CFLAR: variants seen among roughly 807,000 people sequenced by gnomAD.
CFLAR encodes CASP8 and FADD-like apoptosis regulator.
CFLAR carries 14 observed loss-of-function variants against 51.1 expected under a neutral mutation model. The observed-to-expected ratio is 0.27, with a 90% CI of 0.18 to 0.43. CFLAR has a LOEUF of 0.43. CFLAR is among the 20% of genes least tolerant of loss of function. The pLI is 1.00. For synonymous variants in CFLAR, 210 were observed against 211.6 expected, an observed-to-expected ratio of 0.99 and a Z score of 0.06; for missense variants, 390 against 566.5, an observed-to-expected ratio of 0.69 and a Z score of 3.16.
At chr2:201,154,113 C>T (rs1402297673) in intron 8 of CFLAR, 5 of 296,476 alleles carry the variant, frequency 1.7e-5, no homozygotes, top group Admixed American at 4.5e-5. Context: ...ATTTTTAAGA[C>T]GGAGTTTCCC....
Position 201,116,895 on chromosome 2 carries a change from A to T in CFLAR, c.-138+414A>T, listed in dbSNP as rs943381387. ...AGAGACCGGAAGTAACCCTTGGCCA[A>T]CTCTGGCCGCCCCCTGCAGCCGCAG... On this transcript the variant is annotated intron_variant, in intron 1 of 9. Coordinates refer to ENST00000309955, the MANE Select transcript of CFLAR (RefSeq NM_003879.7). The surrounding 1 kb of genome is among the most constrained non-coding windows in gnomAD (Gnocchi z 4.8). The T allele has an allele frequency of 6.6e-6, 1 of 151,774 alleles. No individual in the cohort carries two copies. The highest frequency in any genetic ancestry group is 6.6e-5 in the Admixed American group (1 of 15,236). The allele number at this position is 151,774 out of a possible 1,614,324, so 9.4% of individuals were successfully genotyped here. A position where few individuals can be genotyped will look rare whatever the true frequency, so the allele number is the denominator to read the frequency against.
chr2:201,156,445 A>G (rs898695508), intron 8 of CFLAR, among the ~76,000 whole-genome samples: 5 of 152,202 alleles, frequency 3.3e-5, no homozygotes, highest in Non-Finnish European at 5.9e-5. Context: ...AAGGTACTCA[A>G]TATGTGATTG....
chr2:201,135,672 C>G (rs73045306), intron 3 of CFLAR, among the ~76,000 whole-genome samples: 28,408 of 151,886 alleles, frequency 0.19, 3,147 homozygotes, highest in African/African-American at 0.3. Context: ...CTCTGCTGCC[C>G]AGGCTGGAGT....
chr2:201,156,485 CT>C (rs1203818488), intron 8 of CFLAR, among the ~76,000 whole-genome samples: 4 of 152,138 alleles, frequency 2.6e-5, no homozygotes, highest in Non-Finnish European at 5.9e-5. Context: ...TTCCCTCATT[CT>C]TGTTTATTTT....
intron 4 of CFLAR, chr2:201,139,339 C>G (rs1191013355): frequency 4.2e-6 from 1 of 236,464 alleles, no homozygotes; most frequent in Non-Finnish European, 8.4e-6. Context: ...AGGTATTGTC[C>G]AAGGTTTCTC....
chr2:201,159,402 T>A (rs1942732133), intron 8 of CFLAR, among the ~76,000 whole-genome samples: 1 of 151,980 alleles, frequency 6.6e-6, no homozygotes, highest in Non-Finnish European at 1.5e-5. Flanking sequence ...CTCCACCTCC[T>A]GGGTTCAAGC....
Position 201,164,907 on chromosome 2 carries a change from C to G in CFLAR, c.*934C>G, listed in dbSNP as rs2125956405. On this transcript the variant is annotated 3_prime_UTR_variant, in exon 10 of 10. Transcript: ENST00000309955. ...CTTCCAGATCTTACCAGATGTCAGTCTTTTGATGTTCTCACATGGCAGAAA... is the reference window on the plus strand; with the variant it reads ...CTTCCAGATCTTACCAGATGTCAGTGTTTTGATGTTCTCACATGGCAGAAA... 1 of 152,256 alleles carries G rather than the reference C, an allele frequency of 6.6e-6. No individual in the cohort carries two copies. Among genetic ancestry groups the G allele is most frequent in the East Asian group, 1.9e-4 (1 of 5,178 alleles). The allele number at this position is 152,256 out of a possible 1,614,324, so 9.4% of individuals were successfully genotyped here.
chr2:201,129,618 C>A, intron 1 of CFLAR, 111 bp from the exon 2 acceptor site: 1 of 500,352 alleles, frequency 2.0e-6, no homozygotes. Flanking sequence ...TTCTATAGAA[C>A]TTAATCTACT....
intron 4 of CFLAR, chr2:201,137,865 T>C: frequency 1.2e-6 from 1 of 839,046 alleles, no homozygotes; most frequent in Non-Finnish European, 2.1e-6. Context: ...GAAGAAGCAC[T>C]CGCCGGGGGC....
intron 1 of CFLAR, among the ~76,000 whole-genome samples, chr2:201,119,867 G>T (rs1052188688): frequency 6.8e-6 from 1 of 147,088 alleles, no homozygotes; most frequent in African/African-American, 2.5e-5. Context: ...ACACATGTGC[G>T]CTCTCAAATA....
At position 201,168,235 on chromosome 2, in the gene CFLAR, CTG is replaced by C. The variant is rs1267304809; in HGVS notation, c.*4264_*4265del. The C allele has an allele frequency of 1.3e-5, 2 of 152,094 alleles. No individual in the cohort carries two copies. The highest frequency in any genetic ancestry group is 2.9e-5 in the Non-Finnish European group (2 of 68,042). The allele number at this position is 152,094 out of a possible 1,614,324, so 9.4% of individuals were successfully genotyped here. The stretch of plus-strand genomic sequence containing the variant: ...CCAGCCTGGGCGACAGTGCGAGACT[CTG>C]TCTCAAAAATAAATAAATAAATAAA... On this transcript the variant is annotated 3_prime_UTR_variant, in exon 10 of 10. Transcript: ENST00000309955.
At chr2:201,141,720 T>C (rs1249839834) in intron 5 of CFLAR, 1 of 932,022 alleles carries the variant, frequency 1.1e-6, no homozygotes, top group Non-Finnish European at 1.3e-6. Context: ...ATATAGTCAC[T>C]TATGGTTGTT....
chr2:201,133,697 A>G lies in CFLAR; in HGVS notation c.387+563A>G, dbSNP rs542424950. Among the ~76,000 whole-genome samples, 9 of 151,750 alleles carry G rather than the reference A, an allele frequency of 5.9e-5. No individual in the cohort carries two copies. The East Asian group carries it at 1.6e-3, about 26-fold the overall frequency. On this transcript the variant is annotated intron_variant, in intron 3 of 9. Transcript: ENST00000309955. The stretch of plus-strand genomic sequence containing the variant: ...TGTAATCCCAGCACTTTGGGGGGCC[A>G]AGGTGGGTGGATCACGAGGTCAGGA...
chr2:201,163,572 A>G, intron 9 of CFLAR: 3 of 1,250,148 alleles, frequency 2.4e-6, no homozygotes, highest in Non-Finnish European at 3.0e-6. Flanking sequence ...GCCCATCCCC[A>G]TTTGCATAGA....
At chr2:201,156,923 C>G (rs1942272857) in intron 8 of CFLAR, among the ~76,000 whole-genome samples, 1 of 152,096 alleles carries the variant, frequency 6.6e-6, no homozygotes, top group Admixed American at 6.6e-5. Flanking sequence ...AGTTACTGTC[C>G]TACCTACATA....
chr2:201,160,234 T>G (rs1216977676), intron 8 of CFLAR, among the ~76,000 whole-genome samples, 198 bp from the exon 9 acceptor site: 2 of 152,176 alleles, frequency 1.3e-5, no homozygotes, highest in East Asian at 3.8e-4. Flanking sequence ...AGACCATATT[T>G]AGGGACCTAA....
chr2:201,147,239 G>T (rs1294738069), intron 6 of CFLAR, among the ~76,000 whole-genome samples: 2 of 151,984 alleles, frequency 1.3e-5, no homozygotes, highest in African/African-American at 2.4e-5. Flanking sequence ...AAAAGAAAAA[G>T]GTTTCTGGGC....
At chr2:201,160,036 A>C (rs1220661136) in intron 8 of CFLAR, among the ~76,000 whole-genome samples, 1 of 152,148 alleles carries the variant, frequency 6.6e-6, no homozygotes. Context: ...GAGTACTTTC[A>C]TGATGTGGTG....
intron 9 of CFLAR, chr2:201,163,028 C>T: frequency 1.3e-6 from 1 of 757,134 alleles, no homozygotes; most frequent in Admixed American, 1.7e-5. Flanking sequence ...ATTACAGAGT[C>T]AAAGGACATG....
Sources: gnomAD v4.1 joint callset for allele counts (sites outside exome capture counted in the v4.1 genomes callset) on GRCh38, gnomAD v4.1.1 for gene constraint, Gnocchi (gnomAD v3.1) non-coding constraint, MANE v1.5 for transcripts, NCBI Gene and HGNC (gene_info 2026-07-23, HGNC 2026-07-21) for gene names.